The following PEX14 variants were observed in gnomAD, a reference collection of about 807,000 sequenced individuals.
PEX14 encodes the protein peroxisomal biogenesis factor 14.
Under a neutral mutation model 49.5 loss-of-function variants are expected in PEX14, and 15 were observed. That is an observed-to-expected ratio of 0.30 (90% CI 0.20 to 0.47). The LOEUF (loss-of-function observed/expected upper bound fraction) is 0.47. Ranked by LOEUF, PEX14 falls within the 20% of genes least tolerant of loss-of-function variation. The pLI is 1.00. For missense variants in PEX14, 398 were observed against 494.8 expected, an observed-to-expected ratio of 0.80 and a Z score of 1.86; for synonymous variants, 210 against 212.7, an observed-to-expected ratio of 0.99 and a Z score of 0.11.
intron 2 of PEX14, among the ~76,000 whole-genome samples, chr1:10,515,595 G>C (rs577904528): frequency 6.6e-6 from 1 of 152,084 alleles, no homozygotes; most frequent in Non-Finnish European, 1.5e-5. Context: ...CCTGAGCTTC[G>C]TTCTCAGTTT....
chr1:10,528,477 T>G (rs1364290995), intron 2 of PEX14: 2 of 166,878 alleles, frequency 1.2e-5, no homozygotes, highest in Admixed American at 6.5e-5. Flanking sequence ...GCCACATATT[T>G]TTAGTGTTGG....
At chr1:10,482,505 C>G (rs551815856) in intron 1 of PEX14, among the ~76,000 whole-genome samples, 1 of 151,158 alleles carries the variant, frequency 6.6e-6, no homozygotes, top group Admixed American at 6.6e-5. Flanking sequence ...GCAATCTCAG[C>G]TCACTGCAAC....
intron 5 of PEX14, among the ~76,000 whole-genome samples, chr1:10,620,367 A>G (rs543907536): frequency 1.3e-5 from 2 of 152,028 alleles, no homozygotes; most frequent in Non-Finnish European, 2.9e-5. Flanking sequence ...CTGTAGTCCC[A>G]GCTATACTCG....
chr1:10,542,754 C>G (rs961750935), intron 3 of PEX14, among the ~76,000 whole-genome samples: 5 of 152,156 alleles, frequency 3.3e-5, no homozygotes, highest in African/African-American at 1.2e-4. Flanking sequence ...GAGCAAGACT[C>G]CATCTCAAAA....
At chr1:10,535,776 C>CGTGTGT (rs34318995) in intron 2 of PEX14, 9 of 276,614 alleles carry the variant, frequency 3.3e-5, no homozygotes, top group Admixed American at 1.4e-4. Flanking sequence ...TGATAGAGAA[C>CGTGTGT]GTGTGTGTGT....
At chr1:10,599,529 A>G (rs1332491712) in intron 4 of PEX14, among the ~76,000 whole-genome samples, 163 bp downstream of exon 4, 1 of 152,260 alleles carries the variant, frequency 6.6e-6, no homozygotes, top group East Asian at 1.9e-4. Context: ...CCAGTCTTCT[A>G]GACAAACTTT....
At chr1:10,622,098 C>T (rs995384743) in intron 5 of PEX14, among the ~76,000 whole-genome samples, 1 of 152,126 alleles carries the variant, frequency 6.6e-6, no homozygotes, top group African/African-American at 2.4e-5. Flanking sequence ...GCAGCTGTCC[C>T]TGCAGGCCCC....
At position 10,533,656 on chromosome 1, in the gene PEX14, C is replaced by G. The variant is rs558410110; in HGVS notation, c.85-2557C>G. ...TTTAAGGAAAGCATGGTGATCTAAA[C>G]CTTTTAACCTATTAAAGATGATTTT... On this transcript the variant is annotated intron_variant, in intron 2 of 8. Transcript: ENST00000356607. 1.8e-4 allele frequency among the ~76,000 whole-genome samples: 28 copies of G among 152,286 alleles called. No individual in the cohort carries two copies. In the South Asian group the frequency reaches 2.5e-3, roughly 14 times the overall value.
At chr1:10,504,600 G>A (rs1420664695) in intron 2 of PEX14, among the ~76,000 whole-genome samples, 1 of 152,166 alleles carries the variant, frequency 6.6e-6, no homozygotes, top group Non-Finnish European at 1.5e-5. Context: ...TTCTCTCTGT[G>A]TTGGCCCAGC....
intron 3 of PEX14, among the ~76,000 whole-genome samples, chr1:10,574,978 G>A (rs930649630): frequency 3.3e-5 from 5 of 151,882 alleles, no homozygotes. Flanking sequence ...CAGGTATGGT[G>A]GTGTGCACTT....
intron 2 of PEX14, among the ~76,000 whole-genome samples, chr1:10,519,783 T>C (rs1642033958): frequency 6.6e-6 from 1 of 152,214 alleles, no homozygotes; most frequent in African/African-American, 2.4e-5. Flanking sequence ...AAAACTACTT[T>C]TCTTTGTTTT....
At position 10,623,493 on chromosome 1, in the gene PEX14, A is replaced by G. The variant is rs1641653799; in HGVS notation, c.487+372A>G. Among the ~76,000 whole-genome samples the G allele has an allele frequency of 6.6e-6, 1 of 152,062 alleles. No homozygotes were observed. Among genetic ancestry groups the G allele is most frequent in the South Asian group, 2.1e-4 (1 of 4,822 alleles). On this transcript the variant is annotated intron_variant, in intron 6 of 8. Coordinates refer to ENST00000356607, the MANE Select transcript of PEX14 (RefSeq NM_004565.3). The surrounding 1 kb of genome is among the most constrained non-coding windows in gnomAD (Gnocchi z 4.4). ...CCCTCTAAGACTCGACTGTGGGGTC[A>G]AGAGAGTCTGTAATTACTGTGGCTC... is the stretch of plus-strand genomic sequence containing the variant.
rs944051082 is a variant in PEX14, at chr1:10,597,974, A to G, written c.170-1264A>G. Among the ~76,000 whole-genome samples the G allele has an allele frequency of 2.0e-5, 3 of 152,222 alleles. No homozygotes were observed. Among genetic ancestry groups the G allele is most frequent in the African/African-American group, 7.2e-5 (3 of 41,450 alleles). On this transcript the variant is annotated intron_variant, in intron 3 of 8. Coordinates refer to ENST00000356607, the MANE Select transcript of PEX14 (RefSeq NM_004565.3). This position sits in a 1 kb window ranked among gnomAD's most constrained non-coding sequence, Gnocchi z 5.7. ...TAATGTGCACCATCTATTAGCCCCT[A>G]GGCATGGAGTATGAGGCACCATCCT...
At chr1:10,520,432 A>G (rs984160407) in intron 2 of PEX14, among the ~76,000 whole-genome samples, 2 of 152,112 alleles carry the variant, frequency 1.3e-5, no homozygotes, top group African/African-American at 4.8e-5. Flanking sequence ...GTGCTGGATT[A>G]TAGTCATGAA....
At chr1:10,521,143 T>C (rs7512333) in intron 2 of PEX14, among the ~76,000 whole-genome samples, 11,952 of 152,040 alleles carry the variant, frequency 0.079, 1,169 homozygotes, top group African/African-American at 0.23. Flanking sequence ...GATTTGTCTT[T>C]TCTTCCTTTA....
At position 10,630,537 on chromosome 1, in the gene PEX14, G is replaced by C. The variant is rs1001132431; in HGVS notation, c.*550G>C. On this transcript the variant is annotated 3_prime_UTR_variant, in exon 9 of 9. Coordinates refer to ENST00000356607, the MANE Select transcript of PEX14 (RefSeq NM_004565.3). This position sits in a 1 kb window ranked among gnomAD's most constrained non-coding sequence, Gnocchi z 4.1. ...TCCCAGACAAATGAAACCACGCTGC[G>C]CTTCCGATGCCCCCGCTTGCCGTGT... 1 of 155,844 alleles carries C rather than the reference G, an allele frequency of 6.4e-6. No homozygotes were observed. The highest frequency in any genetic ancestry group is 1.4e-5 in the Non-Finnish European group (1 of 70,508). 9.7% of individuals were successfully genotyped at this position (155,844 alleles called of 1,614,324 possible).
chr1:10,593,749 A>AT (rs572763098), intron 3 of PEX14, among the ~76,000 whole-genome samples: 234 of 152,076 alleles, frequency 1.5e-3, no homozygotes, highest in South Asian at 2.9e-3. Flanking sequence ...GATATATAAT[A>AT]TTTTTTTTGT....
chr1:10,575,307 C>T (rs1247737832), intron 3 of PEX14, among the ~76,000 whole-genome samples: 1 of 151,934 alleles, frequency 6.6e-6, no homozygotes, highest in African/African-American at 2.4e-5. Context: ...TTTAAAAACG[C>T]ATAGTTGAAG....
At chr1:10,620,996 G>T (rs1641572319) in intron 5 of PEX14, among the ~76,000 whole-genome samples, 1 of 152,214 alleles carries the variant, frequency 6.6e-6, no homozygotes, top group South Asian at 2.1e-4. Context: ...CCCATGGAGG[G>T]CCTGTGGCCT....
Sources: allele counts gnomAD v4.1 joint callset (sites outside exome capture counted in the v4.1 genomes callset), GRCh38; gene constraint gnomAD v4.1.1; non-coding constraint Gnocchi (gnomAD v3.1); transcripts MANE v1.5; gene names NCBI Gene and HGNC (gene_info 2026-07-23, HGNC 2026-07-21).